Variants in EPHA6 observed in about 807,000 individuals in gnomAD.
The protein encoded by EPHA6 is ephrin type-A receptor 6.
In EPHA6, 50 loss-of-function variants were observed where a neutral mutation model predicts 112.0. That is an observed-to-expected ratio of 0.45 (90% CI 0.36 to 0.56). EPHA6 has a LOEUF of 0.56. Ranked by LOEUF, EPHA6 falls within the 20% of genes least tolerant of loss-of-function variation. The pLI, the probability that EPHA6 is intolerant of heterozygous loss-of-function variation, is 0.00. For synonymous variants in EPHA6, 529 were observed against 490.7 expected (o/e 1.08, Z -1.03); for missense variants, 1,280 against 1,417.4 (o/e 0.90, Z 1.56).
chr3:97,431,610 T>C (rs1192692877), intron 6 of EPHA6, among the ~76,000 whole-genome samples: 1 of 152,160 alleles, frequency 6.6e-6, no homozygotes, highest in Non-Finnish European at 1.5e-5. Flanking sequence ...CCATCCTATC[T>C]AATTTAGTAA....
chr3:97,434,856 T>TTC (rs138794045), intron 6 of EPHA6, among the ~76,000 whole-genome samples: 2 of 151,690 alleles, frequency 1.3e-5, no homozygotes, highest in Non-Finnish European at 1.5e-5. Flanking sequence ...ATCATACTCT[T>TTC]TCTCTCTCTC....
intron 2 of EPHA6, among the ~76,000 whole-genome samples, chr3:96,882,750 G>GTGTGTGTGTGTGTGTGTGTT (rs1340094593): frequency 1.4e-5 from 2 of 146,814 alleles, no homozygotes; most frequent in Middle Eastern, 3.5e-3. Flanking sequence ...GTGTGTGTGT[G>GTGTGTGTGTGTGTGTGTGTT]TGTGTGTGTG....
At chr3:96,906,635 C>A (rs1028723158) in intron 2 of EPHA6, among the ~76,000 whole-genome samples, 4 of 152,040 alleles carry the variant, frequency 2.6e-5, no homozygotes, top group African/African-American at 4.8e-5. Context: ...TCAACCACAT[C>A]ATTTGTTCTT....
chr3:97,270,858 G>A (rs1238046304), intron 5 of EPHA6, among the ~76,000 whole-genome samples: 1 of 152,140 alleles, frequency 6.6e-6, no homozygotes. Flanking sequence ...ATGAACAGTA[G>A]TTATCATTGT....
chr3:97,637,980 G>A lies in EPHA6; in HGVS notation c.2682G>A (p.Ala894=), dbSNP rs187097281. 16 of 1,613,860 alleles carry A rather than the reference G, an allele frequency of 9.9e-6. No individual in the cohort carries two copies. Among genetic ancestry groups the A allele is most frequent in the African/African-American group, 4.0e-5 (3 of 75,034 alleles). The part of the protein sequence containing the change: ...SDMGYVHRDL[A]ARNILVNSNL... The stretch of plus-strand genomic sequence containing the variant: ...TGGGTTATGTTCATCGAGACCTAGC[G>A]GCTCGGAATATACTGGTCAATAGCA... The change falls in exon 14 of 18, where the codon GCG becomes GCA. Residue 894 remains alanine, a synonymous_variant. Coordinates refer to ENST00000389672, the MANE Select transcript of EPHA6 (RefSeq NM_001080448.3).
At chr3:97,334,835 T>C (rs1001101342) in intron 5 of EPHA6, among the ~76,000 whole-genome samples, 1 of 152,200 alleles carries the variant, frequency 6.6e-6, no homozygotes, top group Non-Finnish European at 1.5e-5. Context: ...GTGATTTCTC[T>C]ACTGTTTTTC....
At chr3:97,168,100 A>T (rs917141361) in intron 3 of EPHA6, among the ~76,000 whole-genome samples, 4 of 152,130 alleles carry the variant, frequency 2.6e-5, no homozygotes, top group African/African-American at 4.8e-5. Context: ...TTTTCACATG[A>T]TGGCATGAAT....
chr3:97,264,486 C>T (rs935386449), intron 5 of EPHA6, among the ~76,000 whole-genome samples: 1 of 152,220 alleles, frequency 6.6e-6, no homozygotes, highest in Middle Eastern at 3.2e-3. Flanking sequence ...AACTTGGAGA[C>T]ATCCGAAACT....
chr3:97,757,796 C>T lies in EPHA6; in HGVS notation c.*9095C>T, dbSNP rs933288279. 2.6e-5 allele frequency among the ~76,000 whole-genome samples: 4 copies of T among 151,786 alleles called. No individual in the cohort carries two copies. The highest frequency in any genetic ancestry group is 5.9e-5 in the Non-Finnish European group (4 of 67,736). On this transcript the variant is annotated 3_prime_UTR_variant, in exon 18 of 18. Coordinates refer to ENST00000389672, the MANE Select transcript of EPHA6 (RefSeq NM_001080448.3). ...CATTCTTTCAAGAAGATTGCCTTCT[C>T]TTTCCAGTTGTTTTAAGTATTTTAA...
At chr3:97,236,775 G>A (rs2078691711) in intron 4 of EPHA6, among the ~76,000 whole-genome samples, 2 of 152,046 alleles carry the variant, frequency 1.3e-5, no homozygotes, top group South Asian at 4.1e-4. Context: ...TTTCTTTAGT[G>A]CTGGAATAAT....
At chr3:96,892,476 G>A (rs566186806) in intron 2 of EPHA6, among the ~76,000 whole-genome samples, 1 of 152,216 alleles carries the variant, frequency 6.6e-6, no homozygotes, top group East Asian at 1.9e-4. Context: ...ACCTGCCTCA[G>A]CCCCCAAAGT....
chr3:97,131,894 A>AT (rs2075637403), intron 3 of EPHA6, among the ~76,000 whole-genome samples: 1 of 152,158 alleles, frequency 6.6e-6, no homozygotes, highest in Admixed American at 6.6e-5. Flanking sequence ...ATACGGTTTC[A>AT]ATCATAACCT....
intron 11 of EPHA6, among the ~76,000 whole-genome samples, chr3:97,572,262 C>T (rs1034073271): frequency 2.0e-5 from 3 of 151,380 alleles, no homozygotes; most frequent in East Asian, 1.9e-4. Flanking sequence ...GCCATTCTCC[C>T]GCCTCAGCCT....
chr3:97,392,497 A>G (rs1283802438), intron 5 of EPHA6, among the ~76,000 whole-genome samples: 1 of 151,740 alleles, frequency 6.6e-6, no homozygotes, highest in African/African-American at 2.4e-5. Flanking sequence ...ATTTACAAAA[A>G]AAATGGAATC....
At position 97,326,651 on chromosome 3, in the gene EPHA6, C is replaced by T. The variant is rs1013211840; in HGVS notation, c.1607-78499C>T. Among the ~76,000 whole-genome samples, 150 of 152,072 alleles carry T rather than the reference C, an allele frequency of 9.9e-4. 1 individual carries two copies. Among genetic ancestry groups the T allele is most frequent in the Non-Finnish European group, 1.9e-4 (13 of 67,948 alleles). ...TATGTGCTTTTTACAGAAGTTTCAG[C>T]GTTTTAGGTTTCAGTCAAGCAAATG... On this transcript the variant is annotated intron_variant, in intron 5 of 17. Coordinates refer to ENST00000389672, the MANE Select transcript of EPHA6 (RefSeq NM_001080448.3).
At chr3:97,146,503 C>T (rs2076046285) in intron 3 of EPHA6, among the ~76,000 whole-genome samples, 1 of 151,780 alleles carries the variant, frequency 6.6e-6, no homozygotes, top group Admixed American at 6.6e-5. Context: ...TCCTCAGACT[C>T]AGGCATCTCA....
chr3:97,203,551 G>A (rs1394192071), intron 3 of EPHA6, among the ~76,000 whole-genome samples: 1 of 152,028 alleles, frequency 6.6e-6, no homozygotes, highest in East Asian at 1.9e-4. Context: ...ACATAAAGGA[G>A]AAGAAAAGAC....
At chr3:97,263,616 T>C (rs1465208942) in intron 5 of EPHA6, among the ~76,000 whole-genome samples, 2 of 151,996 alleles carry the variant, frequency 1.3e-5, no homozygotes, top group African/African-American at 4.8e-5. Flanking sequence ...TAATTTAAAT[T>C]TATGTATTAA....
intron 16 of EPHA6, chr3:97,745,418 G>A (rs1292342183): frequency 1.1e-5 from 5 of 449,728 alleles, no homozygotes; most frequent in Admixed American, 7.3e-5. Context: ...TCAAAATAAC[G>A]TTGCAATATG....
Sources: allele counts gnomAD v4.1 joint callset (sites outside exome capture counted in the v4.1 genomes callset), GRCh38; gene constraint gnomAD v4.1.1; transcripts MANE v1.5; gene names NCBI Gene and HGNC (gene_info 2026-07-23, HGNC 2026-07-21).